RSRC1: variants seen among roughly 807,000 people sequenced by gnomAD.
The protein encoded by RSRC1 is serine/Arginine-related protein 53.
A neutral mutation model predicts 49.1 loss-of-function variants in RSRC1; 39 were observed. That is an observed-to-expected ratio of 0.79 (90% CI 0.61 to 1.04). The LOEUF is 1.04. Ranked by LOEUF, RSRC1 falls within the 50% of genes least tolerant of loss-of-function variation. The pLI is 0.00. For synonymous variants in RSRC1, 143 were observed against 130.8 expected (o/e 1.09, Z -0.63); for missense variants, 388 against 402.4 (o/e 0.96, Z 0.31).
intron 7 of RSRC1, among the ~76,000 whole-genome samples, chr3:158,481,978 G>A (rs898485090): frequency 1.3e-4 from 20 of 151,914 alleles, no homozygotes; most frequent in African/African-American, 4.1e-4. Context: ...TTATGATTCC[G>A]TAAGGAATCC....
chr3:158,319,494 G>T (rs745717130), intron 5 of RSRC1, among the ~76,000 whole-genome samples: 1 of 152,102 alleles, frequency 6.6e-6, no homozygotes, highest in African/African-American at 2.4e-5. Context: ...TAGTGGACTT[G>T]TTCCAAGGTT....
At chr3:158,509,773 T>A (rs1740055573) in intron 7 of RSRC1, among the ~76,000 whole-genome samples, 1 of 152,220 alleles carries the variant, frequency 6.6e-6, no homozygotes. Context: ...TAGTTGTAGT[T>A]TATTCATTTT....
At chr3:158,132,898 C>T (rs77442811) in intron 3 of RSRC1, among the ~76,000 whole-genome samples, 1 of 152,062 alleles carries the variant, frequency 6.6e-6, no homozygotes, top group East Asian at 1.9e-4. Flanking sequence ...ATGCCCAGTA[C>T]GTTGGGATCA....
At chr3:158,338,593 A>G (rs1264097037) in intron 5 of RSRC1, among the ~76,000 whole-genome samples, 5 of 152,264 alleles carry the variant, frequency 3.3e-5, no homozygotes, top group African/African-American at 9.6e-5. Flanking sequence ...AAGCATGATT[A>G]AAATTAGCTT....
At chr3:158,182,699 A>T (rs1719694982) in intron 3 of RSRC1, among the ~76,000 whole-genome samples, 1 of 152,174 alleles carries the variant, frequency 6.6e-6, no homozygotes, top group African/African-American at 2.4e-5. Context: ...GTGTTTACGG[A>T]AAGAAGGAAA....
At chr3:158,238,959 A>G (rs1365707764) in intron 4 of RSRC1, among the ~76,000 whole-genome samples, 1 of 152,198 alleles carries the variant, frequency 6.6e-6, no homozygotes, top group Non-Finnish European at 1.5e-5. Flanking sequence ...ATTTTTTGCA[A>G]TCTACTCGTC....
chr3:158,253,630 T>C (rs1178561392), intron 4 of RSRC1, among the ~76,000 whole-genome samples: 1 of 152,190 alleles, frequency 6.6e-6, no homozygotes, highest in Non-Finnish European at 1.5e-5. Flanking sequence ...TGATTTTCTC[T>C]CTACATAATC....
intron 6 of RSRC1, among the ~76,000 whole-genome samples, chr3:158,368,235 C>T (rs1731883242): frequency 6.6e-6 from 1 of 152,138 alleles, no homozygotes; most frequent in Non-Finnish European, 1.5e-5. Flanking sequence ...TAAAGCTAAA[C>T]CTCTTTCTTT....
rs1335010880 is a variant in RSRC1 at position 158,317,563 on chromosome 3, T to A, written c.531+19488T>A. 5.5e-5 allele frequency among the ~76,000 whole-genome samples: 8 copies of A among 145,192 alleles called. No individual in the cohort carries two copies. In the South Asian group the frequency reaches 1.8e-3, roughly 32 times the overall value. ...ATTTTCAGAGTATGATGAGAAACAT[T>A]TTATTTTATTTGTGAGACAGAGTCT... On this transcript the variant is annotated intron_variant, in intron 5 of 9. Coordinates refer to ENST00000611884, the MANE Select transcript of RSRC1 (RefSeq NM_001271838.2).
chr3:158,329,647 A>T (rs1729415863), intron 5 of RSRC1, among the ~76,000 whole-genome samples: 2 of 152,110 alleles, frequency 1.3e-5, no homozygotes, highest in Admixed American at 1.3e-4. Flanking sequence ...GTGTGCCCCT[A>T]CTGGGGGGTG....
At chr3:158,517,872 G>A (rs1467583365) in intron 7 of RSRC1, among the ~76,000 whole-genome samples, 6 of 143,594 alleles carry the variant, frequency 4.2e-5, no homozygotes, top group Non-Finnish European at 7.5e-5. Flanking sequence ...GCAAAGTGAG[G>A]ATTATAGGCA....
intron 5 of RSRC1, among the ~76,000 whole-genome samples, chr3:158,331,063 A>G (rs186646540): frequency 1.3e-5 from 2 of 152,166 alleles, no homozygotes; most frequent in African/African-American, 2.4e-5. Context: ...CTTGAGACTT[A>G]ATCATTATCA....
At chr3:158,164,766 C>T (rs1718439811) in intron 3 of RSRC1, among the ~76,000 whole-genome samples, 1 of 152,046 alleles carries the variant, frequency 6.6e-6, no homozygotes, top group Non-Finnish European at 1.5e-5. Flanking sequence ...GTTTTAATAG[C>T]ATATTTTATC....
chr3:158,260,287 C>A (rs1439336351), intron 4 of RSRC1, among the ~76,000 whole-genome samples: 2 of 152,114 alleles, frequency 1.3e-5, no homozygotes, highest in Non-Finnish European at 2.9e-5. Context: ...TGAATCTTGC[C>A]AGGACTAGGT....
chr3:158,131,338 TG>T (rs1174099715), intron 3 of RSRC1, among the ~76,000 whole-genome samples: 1 of 152,190 alleles, frequency 6.6e-6, no homozygotes, highest in Non-Finnish European at 1.5e-5. Context: ...GGGATGATTA[TG>T]GTTTATTTTT....
chr3:158,462,293 A>G (rs1737655981), intron 7 of RSRC1, among the ~76,000 whole-genome samples: 1 of 151,948 alleles, frequency 6.6e-6, no homozygotes, highest in Non-Finnish European at 1.5e-5. Context: ...CCATAGTACA[A>G]ACAGACATAA....
intron 4 of RSRC1, among the ~76,000 whole-genome samples, chr3:158,269,262 G>A (rs1725370237): frequency 6.6e-6 from 1 of 152,088 alleles, no homozygotes; most frequent in African/African-American, 2.4e-5. Flanking sequence ...AAATATCCAA[G>A]TATGTGCCTA....
chr3:158,232,735 A>G (rs1340556430), intron 4 of RSRC1, among the ~76,000 whole-genome samples: 1 of 152,086 alleles, frequency 6.6e-6, no homozygotes, highest in Non-Finnish European at 1.5e-5. Context: ...CTCAGAGAGA[A>G]TGGTAGTCAC....
intron 7 of RSRC1, among the ~76,000 whole-genome samples, chr3:158,518,781 CT>C (rs1239830344): frequency 6.6e-6 from 1 of 152,110 alleles, no homozygotes; most frequent in Non-Finnish European, 1.5e-5. Flanking sequence ...TGGAAACACC[CT>C]CTTTTTCAGT....
Sources: allele counts gnomAD v4.1 joint callset (sites outside exome capture counted in the v4.1 genomes callset), GRCh38; gene constraint gnomAD v4.1.1; transcripts MANE v1.5; gene names NCBI Gene and HGNC (gene_info 2026-07-23, HGNC 2026-07-21).